Variants in CMIP observed in about 807,000 individuals in gnomAD.
CMIP encodes the protein c-Maf inducing protein.
CMIP carries 13 observed loss-of-function variants against 97.3 expected under a neutral mutation model. The ratio of observed to expected loss-of-function variants is 0.13; its 90% CI spans 0.09 to 0.21. The LOEUF (loss-of-function observed/expected upper bound fraction) is 0.21, where lower values mean the gene tolerates loss of function less well. Among genes scored for constraint, CMIP ranks in the 10% least tolerant of loss-of-function variants. CMIP has a pLI of 1.00. For synonymous variants in CMIP, 538 were observed against 436.3 expected (o/e 1.23, Z -2.91); for missense variants, 847 against 1,024.9 (o/e 0.83, Z 2.37).
chr16:81,485,712 G>C (rs185528962), intron 1 of CMIP, among the ~76,000 whole-genome samples: 1 of 152,222 alleles, frequency 6.6e-6, no homozygotes, highest in Non-Finnish European at 1.5e-5. Flanking sequence ...AGAATTTTAG[G>C]TGTTATTTAG....
chr16:81,647,117 G>A (rs969565159), intron 3 of CMIP, among the ~76,000 whole-genome samples: 1 of 152,198 alleles, frequency 6.6e-6, no homozygotes, highest in African/African-American at 2.4e-5. Flanking sequence ...GCCAACACTT[G>A]GCGTTGTCTG....
chr16:81,549,155 A>G (rs1400006047), intron 1 of CMIP, among the ~76,000 whole-genome samples: 1 of 152,240 alleles, frequency 6.6e-6, no homozygotes, highest in Non-Finnish European at 1.5e-5. Flanking sequence ...TGGCTTATTC[A>G]GTCAACAAAC....
intron 5 of CMIP, among the ~76,000 whole-genome samples, chr16:81,658,755 A>G (rs2092513033): frequency 4.6e-5 from 7 of 152,264 alleles, no homozygotes; most frequent in Admixed American, 3.9e-4. Flanking sequence ...AGCAAGAGGC[A>G]GAGCCTTTTG....
Position 81,650,727 on chromosome 16 carries a change from G to A in CMIP, c.478-1476G>A, listed in dbSNP as rs200788886. On this transcript the variant is annotated intron_variant, in intron 3 of 20. Transcript: ENST00000537098. ...TTATCTGGACTTGACTTTTGAATGC[G>A]GCTCCATAGAGTGGACCACATGGGT... is the stretch of plus-strand genomic sequence containing the variant. Among the ~76,000 whole-genome samples the A allele has an allele frequency of 1.6e-4, 24 of 152,194 alleles. No homozygotes were observed. In the East Asian group the frequency reaches 3.9e-3, roughly 24 times the overall value.
intron 3 of CMIP, among the ~76,000 whole-genome samples, chr16:81,629,134 TAAAAAAAAAAAAAAAAAAAA>T (rs10533097): frequency 2.2e-5 from 1 of 45,684 alleles, no homozygotes; most frequent in African/African-American, 7.4e-5. Flanking sequence ...AAACTGTGCT[TAAAAAAAAAAAAAAAAAAAA>T]AAAAAAAAAA....
intron 3 of CMIP, among the ~76,000 whole-genome samples, chr16:81,650,997 T>C (rs1472700344): frequency 6.6e-6 from 1 of 152,184 alleles, no homozygotes; most frequent in Non-Finnish European, 1.5e-5. Context: ...TGATAATTCC[T>C]AGCTCAGAAA....
intron 3 of CMIP, among the ~76,000 whole-genome samples, chr16:81,637,695 G>T (rs367582379): frequency 6.6e-6 from 1 of 152,168 alleles, no homozygotes; most frequent in Non-Finnish European, 1.5e-5. Flanking sequence ...GAGTGTGCAG[G>T]CTGGTGGGGG....
At chr16:81,447,941 G>A (rs939334790) in intron 1 of CMIP, among the ~76,000 whole-genome samples, 1 of 152,232 alleles carries the variant, frequency 6.6e-6, no homozygotes, top group Admixed American at 6.5e-5. Context: ...GGGAAGCAGC[G>A]GAGCCCCTGT....
At chr16:81,522,284 G>A (rs2090043371) in intron 1 of CMIP, among the ~76,000 whole-genome samples, 1 of 152,148 alleles carries the variant, frequency 6.6e-6, no homozygotes, top group Non-Finnish European at 1.5e-5. Flanking sequence ...CCTAAGCCAG[G>A]TGGCCACACC....
At chr16:81,476,442 T>A in intron 1 of CMIP, 2 of 920,772 alleles carry the variant, frequency 2.2e-6, no homozygotes, top group Non-Finnish European at 3.6e-6. Flanking sequence ...GAAACTTGTT[T>A]GCAAACAGCT....
At chr16:81,504,094 G>A (rs904424674) in intron 1 of CMIP, among the ~76,000 whole-genome samples, 1 of 152,230 alleles carries the variant, frequency 6.6e-6, no homozygotes, top group African/African-American at 2.4e-5. Context: ...GGAAGGCCGA[G>A]GGAGGCAGAT....
intron 1 of CMIP, among the ~76,000 whole-genome samples, chr16:81,599,617 C>G (rs1350260866): frequency 2.0e-5 from 3 of 152,092 alleles, no homozygotes; most frequent in African/African-American, 4.8e-5. Flanking sequence ...CAAAGGTACA[C>G]AAATTGGAGT....
chr16:81,652,430 G>T lies in CMIP; in HGVS notation c.639+66G>T. The T allele has an allele frequency of 7.0e-7, 1 of 1,420,052 alleles. No individual in the cohort carries two copies. The highest frequency in any genetic ancestry group is 2.3e-5 in the East Asian group (1 of 43,422). The allele number at this position is 1,420,052 out of a possible 1,614,324, so 88.0% of individuals were successfully genotyped here. Reference sequence around the variant, plus strand: ...TCCCTCCACCGATCACCGGCTCCATGCCAAGCAGCAGGCGCAGGCAGAGCT... The same window carrying T: ...TCCCTCCACCGATCACCGGCTCCATTCCAAGCAGCAGGCGCAGGCAGAGCT... On this transcript the variant is annotated intron_variant, in intron 4 of 20. Transcript: ENST00000537098. This position sits in a 1 kb window ranked among gnomAD's most constrained non-coding sequence, Gnocchi z 5.2.
At chr16:81,595,613 T>C (rs1217480103) in intron 1 of CMIP, among the ~76,000 whole-genome samples, 1 of 152,128 alleles carries the variant, frequency 6.6e-6, no homozygotes, top group African/African-American at 2.4e-5. Context: ...GGTCTCAAAC[T>C]CCTGACCTCA....
chr16:81,474,026 GATC>G (rs1907727291), intron 1 of CMIP, among the ~76,000 whole-genome samples: 1 of 152,050 alleles, frequency 6.6e-6, no homozygotes, highest in African/African-American at 2.4e-5. Flanking sequence ...TGCTTCCTGT[GATC>G]ATCCCCATTC....
Position 81,453,595 on chromosome 16 carries a change from C to T in CMIP, c.300+8054C>T, listed in dbSNP as rs559690245. Among the ~76,000 whole-genome samples, 15 of 152,320 alleles carry T rather than the reference C, an allele frequency of 9.8e-5. No individual in the cohort carries two copies. The South Asian group carries it at 2.9e-3, about 29-fold the overall frequency. On this transcript the variant is annotated intron_variant, in intron 1 of 20. Transcript: ENST00000537098. The surrounding 1 kb of genome is among the most constrained non-coding windows in gnomAD (Gnocchi z 4.0). ...AGGTGACCCTGTTTACCAACACACA[C>T]ACCGGTGCGAGGCTCTGCAGGGAAG... is the stretch of plus-strand genomic sequence containing the variant.
chr16:81,455,515 G>T (rs1260596908), intron 1 of CMIP, among the ~76,000 whole-genome samples: 1 of 152,218 alleles, frequency 6.6e-6, no homozygotes, highest in Non-Finnish European at 1.5e-5. Context: ...GTAACCCCAC[G>T]GGCCTCTGGC....
In CMIP at chr16:81,445,384, A is replaced by T. The variant is rs1165770738; in HGVS notation, c.143A>T (p.Asn48Ile). ...VPCRRALLLCNGMRYKLLQEG... is the reference protein window; with the variant it reads ...VPCRRALLLCIGMRYKLLQEG... ...TGCCGCCGGGCTCTTCTGCTTTGCAACGGGATGAGGTACAAACTGCTGCAG... is the reference window on the plus strand; with the variant it reads ...TGCCGCCGGGCTCTTCTGCTTTGCATCGGGATGAGGTACAAACTGCTGCAG... The change falls in exon 1 of 21, where the codon AAC (asparagine) becomes ATC (isoleucine). Residue 48 changes from asparagine to isoleucine, a missense_variant. Coordinates refer to ENST00000537098, the MANE Select transcript of CMIP (RefSeq NM_198390.3). The T allele has an allele frequency of 6.2e-7, 1 of 1,605,958 alleles. No individual in the cohort carries two copies. The highest frequency in any genetic ancestry group is 8.5e-7 in the Non-Finnish European group (1 of 1,176,524).
chr16:81,683,110 C>T (rs1405547611), intron 10 of CMIP, among the ~76,000 whole-genome samples: 1 of 152,178 alleles, frequency 6.6e-6, no homozygotes, highest in East Asian at 1.9e-4. Context: ...AGACTCTATG[C>T]CAAATGCCAT....
Sources: allele counts gnomAD v4.1 joint callset (sites outside exome capture counted in the v4.1 genomes callset), GRCh38; gene constraint gnomAD v4.1.1; non-coding constraint Gnocchi (gnomAD v3.1); transcripts MANE v1.5; gene names NCBI Gene and HGNC (gene_info 2026-07-23, HGNC 2026-07-21).